CSRP2: variants seen among roughly 807,000 people sequenced by gnomAD.
CSRP2 encodes cysteine and glycine rich protein 2, also known as cysteine and glycine-rich protein 2.
A neutral mutation model predicts 24.6 loss-of-function variants in CSRP2; 18 were observed. The observed-to-expected ratio is 0.73, with a 90% CI of 0.51 to 1.09. CSRP2 has a LOEUF of 1.09. CSRP2 is among the 50% of genes least tolerant of loss of function. CSRP2 has a pLI of 0.00. For missense variants in CSRP2, 215 were observed against 239.4 expected, an observed-to-expected ratio of 0.90 and a Z score of 0.67; for synonymous variants, 87 against 84.3, an observed-to-expected ratio of 1.03 and a Z score of -0.18.
intron 1 of CSRP2, among the ~76,000 whole-genome samples, chr12:76,871,763 CAAA>C (rs5799293): frequency 2.8e-4 from 34 of 122,860 alleles, no homozygotes; most frequent in Non-Finnish European, 3.0e-4. Flanking sequence ...GACTCCGACT[CAAA>C]AAAAAAAAAA....
At chr12:76,859,468 T>G (rs923241081) in intron 5 of CSRP2, 79 bp downstream of exon 5, 2 of 932,356 alleles carry the variant, frequency 2.1e-6, no homozygotes, top group Admixed American at 5.4e-5. Context: ...TTTTTTTTTT[T>G]TAATGCCAGT....
chr12:76,877,125 C>T (rs1265866225), intron 1 of CSRP2, among the ~76,000 whole-genome samples: 1 of 152,232 alleles, frequency 6.6e-6, no homozygotes, highest in Non-Finnish European at 1.5e-5. Context: ...TGATTCACCT[C>T]ACTTTTGACA....
intron 3 of CSRP2, chr12:76,860,656 A>C: frequency 2.7e-6 from 1 of 367,706 alleles, no homozygotes. Flanking sequence ...CCCAAACGTA[A>C]AGATCTGTCC....
chr12:76,859,083 C>T (rs1953648518), intron 5 of CSRP2, 55 bp from the exon 6 acceptor site: 84 of 1,482,934 alleles, frequency 5.7e-5, no homozygotes, highest in Non-Finnish European at 7.5e-5. Context: ...GCTTTGCTAG[C>T]ACTGCTTAAG....
intron 2 of CSRP2, among the ~76,000 whole-genome samples, chr12:76,865,319 A>G (rs771765489): frequency 6.6e-6 from 1 of 152,212 alleles, no homozygotes; most frequent in Non-Finnish European, 1.5e-5. Context: ...TCTAAAAGCA[A>G]TGGTTAAACC....
chr12:76,860,278 C>T lies in CSRP2; in HGVS notation c.411+6G>A. ...TTGCTGTTATTAATTCCAAATAGCA[C>T]TTTACCTTTCCAGCTCCAATTATCT... On this transcript the variant is annotated splice_donor_region_variant and intron_variant, in intron 4 of 5. Transcript: ENST00000311083. 1 of 1,613,280 alleles carries T rather than the reference C, an allele frequency of 6.2e-7. No individual in the cohort carries two copies. The highest frequency in any genetic ancestry group is 1.1e-5 in the South Asian group (1 of 91,020).
At chr12:76,878,598 C>T (rs1360433365) in intron 1 of CSRP2, among the ~76,000 whole-genome samples, 1 of 152,166 alleles carries the variant, frequency 6.6e-6, no homozygotes, top group East Asian at 1.9e-4. Flanking sequence ...AGCAGAAACG[C>T]GAAACTCACA....
intron 1 of CSRP2, among the ~76,000 whole-genome samples, chr12:76,875,564 T>A (rs1953844745): frequency 6.6e-6 from 1 of 152,224 alleles, no homozygotes; most frequent in South Asian, 2.1e-4. Context: ...TTTGCACGAT[T>A]TTTTCATGGA....
At chr12:76,873,209 TC>T (rs1406932263) in intron 1 of CSRP2, among the ~76,000 whole-genome samples, 1 of 152,178 alleles carries the variant, frequency 6.6e-6, no homozygotes, top group Non-Finnish European at 1.5e-5. Flanking sequence ...TAATCCAATT[TC>T]CCCTAAAGGA....
intron 1 of CSRP2, among the ~76,000 whole-genome samples, chr12:76,868,720 C>T (rs533720488): frequency 4.6e-5 from 7 of 152,126 alleles, no homozygotes; most frequent in South Asian, 4.1e-4. Flanking sequence ...CCGAGGCAGG[C>T]GGATCATGAG....
intron 1 of CSRP2, among the ~76,000 whole-genome samples, chr12:76,873,807 C>A (rs908073229): frequency 1.3e-5 from 2 of 152,194 alleles, no homozygotes; most frequent in Non-Finnish European, 2.9e-5. Flanking sequence ...ATCCCCCAAA[C>A]CCTCCCCATC....
intron 1 of CSRP2, among the ~76,000 whole-genome samples, chr12:76,868,314 T>C (rs942768095): frequency 6.6e-6 from 1 of 152,206 alleles, no homozygotes; most frequent in Non-Finnish European, 1.5e-5. Flanking sequence ...TCTTGAATTG[T>C]AGCTCCCATA....
At chr12:76,868,945 A>G (rs1217910174) in intron 1 of CSRP2, among the ~76,000 whole-genome samples, 1 of 149,856 alleles carries the variant, frequency 6.7e-6, no homozygotes, top group Non-Finnish European at 1.5e-5. Context: ...AAGAAAAAAA[A>G]AAAAAAAAAA....
At chr12:76,860,677 A>G in intron 3 of CSRP2, 1 of 302,128 alleles carries the variant, frequency 3.3e-6, no homozygotes, top group Non-Finnish European at 6.2e-6. Flanking sequence ...CTCTGAGTCT[A>G]AACAGAATTC....
At chr12:76,878,112 G>C (rs1031533372) in intron 1 of CSRP2, 1 of 151,140 alleles carries the variant, frequency 6.6e-6, no homozygotes, top group African/African-American at 2.4e-5. Context: ...GGCTTAGAAG[G>C]GGGAAAGGGA....
chr12:76,859,021 A>G lies in CSRP2; in HGVS notation c.513T>C (p.Tyr171=), dbSNP rs756677286. 2.5e-6 allele frequency: 4 copies of G among 1,614,194 alleles called. No homozygotes were observed. Among genetic ancestry groups the G allele is most frequent in the East Asian group, 2.2e-5 (1 of 44,878 alleles). The change falls in exon 6 of 6, where the codon TAT becomes TAC. Residue 171 remains tyrosine, a synonymous_variant. Transcript: ENST00000311083. ...ATCCCTTGGGCCCAAAGTTCTTTGC[A>G]TAGCATCCTACAAAGGAAAGGGAGG... ...KEGEIYCKGC[Y]AKNFGPKGFG...
intron 1 of CSRP2, among the ~76,000 whole-genome samples, chr12:76,868,899 C>T (rs528292941): frequency 5.4e-5 from 8 of 147,378 alleles, no homozygotes; most frequent in East Asian, 2.0e-4. Context: ...TGCCACTGCA[C>T]GCCAGCCTGG....
intron 3 of CSRP2, chr12:76,860,841 T>A (rs1953669580): frequency 6.5e-6 from 1 of 152,754 alleles, no homozygotes; most frequent in Non-Finnish European, 1.5e-5. Flanking sequence ...TTAAGTAGTT[T>A]AAAAATTCCA....
rs1953808985 is a variant in CSRP2, at chr12:76,872,441, G to A, written c.-1-6180C>T. 2.0e-5 allele frequency among the ~76,000 whole-genome samples: 3 copies of A among 152,212 alleles called. No homozygotes were observed. The South Asian group carries it at 6.2e-4, about 32-fold the overall frequency. ...TAAAGCATCTCTGGAAAAGTTTCTT[G>A]TAAAGCCCTGGCTCTTAGAGCCAGG... On this transcript the variant is annotated intron_variant, in intron 1 of 5. Coordinates refer to ENST00000311083, the MANE Select transcript of CSRP2 (RefSeq NM_001321.3).
Sources: gnomAD v4.1 joint callset for allele counts (sites outside exome capture counted in the v4.1 genomes callset) on GRCh38, gnomAD v4.1.1 for gene constraint, MANE v1.5 for transcripts, NCBI Gene and HGNC (gene_info 2026-07-23, HGNC 2026-07-21) for gene names.